Variants in DAB1 observed in about 807,000 individuals in gnomAD.
The protein encoded by DAB1 is disabled homolog 1.
A neutral mutation model predicts 64.6 loss-of-function variants in DAB1; 15 were observed. That is an observed-to-expected ratio of 0.23 (90% confidence interval 0.16 to 0.36). The LOEUF is 0.36. Among genes scored for constraint, DAB1 ranks in the 10% least tolerant of loss-of-function variants. DAB1 has a pLI of 1.00. For missense variants in DAB1, 596 were observed against 706.7 expected, an observed-to-expected ratio of 0.84 and a Z score of 1.78; for synonymous variants, 235 against 251.9, an observed-to-expected ratio of 0.93 and a Z score of 0.64.
rs149147938 is a variant in DAB1 at position 58,047,786 on chromosome 1, T to C, written n.387+102725A>G. The C allele has an allele frequency of 1.7e-3, 403 of 230,704 alleles. 4 individuals are homozygous for C. The East Asian group carries it at 0.037, about 21-fold the overall frequency. The allele number at this position is 230,704 out of a possible 1,614,324, so 14.3% of individuals were successfully genotyped here. On this transcript the variant is annotated intron_variant and non_coding_transcript_variant, in intron 5 of 20. Transcript: ENST00000485760. ...CTCTCTGCCTGAGTTGAAAGTCCAG[T>C]CAACAACTGTTTATCCGGCATCCAA...
intron 4 of DAB1, among the ~76,000 whole-genome samples, chr1:58,291,179 C>T (rs1474903173): frequency 6.6e-6 from 1 of 152,194 alleles, no homozygotes; most frequent in Non-Finnish European, 1.5e-5. Flanking sequence ...CTGAGTCACT[C>T]CACAGCCATC....
chr1:58,248,319 C>T (rs908604193), intron 4 of DAB1, among the ~76,000 whole-genome samples: 2 of 152,178 alleles, frequency 1.3e-5, no homozygotes, highest in African/African-American at 4.8e-5. Flanking sequence ...GCTACTCCTT[C>T]CGCTCAGCTC....
intron 6 of DAB1, among the ~76,000 whole-genome samples, chr1:57,754,053 G>A (rs560034659): frequency 1.3e-5 from 2 of 152,306 alleles, no homozygotes; most frequent in Non-Finnish European, 2.9e-5. Context: ...CAGAGGCAGA[G>A]CAAGAATGAG....
At chr1:58,124,169 C>CTTATATATATATATATATATATTCTT (rs1336146891) in intron 5 of DAB1, among the ~76,000 whole-genome samples, 7 of 151,414 alleles carry the variant, frequency 4.6e-5, no homozygotes, top group African/African-American at 1.7e-4. Flanking sequence ...TAGTTGCTAT[C>CTTATATATATATATATATATATTCTT]AGATTATATA....
At chr1:58,058,347 C>A (rs1295967845) in intron 5 of DAB1, among the ~76,000 whole-genome samples, 2 of 152,192 alleles carry the variant, frequency 1.3e-5, no homozygotes, top group African/African-American at 4.8e-5. Flanking sequence ...TGGCATTCTT[C>A]CAGGTGCACT....
At chr1:58,509,451 A>G (rs1056730566) in intron 2 of DAB1, among the ~76,000 whole-genome samples, 8 of 151,908 alleles carry the variant, frequency 5.3e-5, no homozygotes, top group South Asian at 2.1e-4. Context: ...GAGACAAATG[A>G]AAATGAAAAC....
intron 6 of DAB1, among the ~76,000 whole-genome samples, chr1:57,708,627 G>T (rs895450876): frequency 6.6e-6 from 1 of 152,188 alleles, no homozygotes; most frequent in Admixed American, 6.5e-5. Flanking sequence ...TCCCAATGGG[G>T]CACAGAATTT....
chr1:57,670,396 C>T (rs1387035785), intron 6 of DAB1, among the ~76,000 whole-genome samples: 1 of 152,080 alleles, frequency 6.6e-6, no homozygotes, highest in African/African-American at 2.4e-5. Flanking sequence ...CAGCCCTGAT[C>T]AATTACCCTA....
intron 12 of DAB1, among the ~76,000 whole-genome samples, chr1:57,014,573 A>G (rs6679850): frequency 0.015 from 2,346 of 152,346 alleles, 74 homozygotes; most frequent in African/African-American, 0.052. Context: ...CTTACATTCA[A>G]TTCAATACCA....
intron 3 of DAB1, among the ~76,000 whole-genome samples, chr1:58,497,833 TTCTG>T (rs1289076447): frequency 3.3e-5 from 5 of 152,114 alleles, no homozygotes; most frequent in Admixed American, 6.6e-5. Flanking sequence ...CCCTGCACCT[TTCTG>T]TCTTAGTTTC....
At chr1:58,520,912 G>A (rs909403376) in intron 2 of DAB1, among the ~76,000 whole-genome samples, 1 of 152,014 alleles carries the variant, frequency 6.6e-6, no homozygotes, top group Non-Finnish European at 1.5e-5. Flanking sequence ...AAAAAAATCA[G>A]CAAGAATATA....
intron 5 of DAB1, among the ~76,000 whole-genome samples, chr1:58,044,515 A>G (rs1488609274): frequency 6.6e-6 from 1 of 151,924 alleles, no homozygotes; most frequent in Non-Finnish European, 1.5e-5. Context: ...ATGTTTTCTG[A>G]GTGTCTCTTG....
chr1:57,725,606 G>A (rs1647198891), intron 6 of DAB1, among the ~76,000 whole-genome samples: 1 of 152,160 alleles, frequency 6.6e-6, no homozygotes. Flanking sequence ...GACTACTTGG[G>A]AACATTGTAT....
intron 1 of DAB1, among the ~76,000 whole-genome samples, chr1:57,307,993 T>C (rs984518472): frequency 6.6e-6 from 1 of 152,202 alleles, no homozygotes; most frequent in Non-Finnish European, 1.5e-5. Context: ...ATGAGAGCTG[T>C]GGGGTCACTA....
chr1:58,479,075 T>G (rs149902944), intron 3 of DAB1, among the ~76,000 whole-genome samples: 5 of 152,356 alleles, frequency 3.3e-5, no homozygotes, highest in Admixed American at 3.3e-4. Flanking sequence ...CTGCTCTTTC[T>G]GACATGGTGT....
At chr1:57,031,071 A>G (rs543247650) in intron 9 of DAB1, among the ~76,000 whole-genome samples, 29 of 152,364 alleles carry the variant, frequency 1.9e-4, no homozygotes, top group Admixed American at 7.8e-4. Context: ...AATAACCTTC[A>G]TACTTGAGAT....
chr1:57,096,613 C>T (rs1451127885), intron 4 of DAB1, among the ~76,000 whole-genome samples: 2 of 152,130 alleles, frequency 1.3e-5, no homozygotes, highest in Non-Finnish European at 2.9e-5. Context: ...AGGTCAGCTC[C>T]TCTCAGGTGC....
At chr1:57,041,117 T>C (rs1010939654) in intron 9 of DAB1, among the ~76,000 whole-genome samples, 6 of 152,102 alleles carry the variant, frequency 3.9e-5, no homozygotes, top group Non-Finnish European at 8.8e-5. Flanking sequence ...AAGGAAAAAA[T>C]AGCCAGGAGG....
At position 57,210,542 on chromosome 1, in the gene DAB1, G is replaced by A. The variant is rs147241191; in HGVS notation, c.68-65113C>T. The stretch of plus-strand genomic sequence containing the variant: ...AGGGCCGTGTCTCCTAGACTGCTGA[G>A]TCTCATTAGTGGTATACCAAAGGCC... On this transcript the variant is annotated intron_variant, in intron 2 of 14. Coordinates refer to ENST00000371236, the MANE Select transcript of DAB1 (RefSeq NM_001365792.1). Among the ~76,000 whole-genome samples the A allele has an allele frequency of 4.3e-4, 65 of 152,242 alleles. 1 individual carries two copies. In the East Asian group the frequency reaches 0.012, roughly 29 times the overall value.
Sources: allele counts gnomAD v4.1 joint callset (sites outside exome capture counted in the v4.1 genomes callset), GRCh38; gene constraint gnomAD v4.1.1; transcripts MANE v1.5; gene names NCBI Gene and HGNC (gene_info 2026-07-23, HGNC 2026-07-21).